The following CAPN8 variants were observed in gnomAD, a reference collection of about 807,000 sequenced individuals.
The protein encoded by CAPN8 is calpain 8, also known as calpain-8.
In CAPN8, 87 loss-of-function variants were observed where a neutral mutation model predicts 80.9. The ratio of observed to expected loss-of-function variants is 1.07; its 90% CI spans 0.90 to 1.28. CAPN8 has a LOEUF of 1.28. Among genes scored for constraint, CAPN8 ranks in the 50% most tolerant of loss-of-function variants. The probability of loss-of-function intolerance (pLI) is 0.00; values close to 1 mark genes in which losing one functional copy is unlikely to be tolerated. For missense variants in CAPN8, 757 were observed against 702.0 expected (o/e 1.08, Z -0.89); for synonymous variants, 299 against 273.8 (o/e 1.09, Z -0.91).
chr1:223,637,509 T>A (rs1391571630), intron 2 of CAPN8, among the ~76,000 whole-genome samples: 1 of 152,142 alleles, frequency 6.6e-6, no homozygotes, highest in Non-Finnish European at 1.5e-5. Context: ...GGGGAGTGAA[T>A]GAGTCAGCCA....
chr1:223,610,441 G>A (rs1465035622), intron 11 of CAPN8, among the ~76,000 whole-genome samples: 1 of 152,206 alleles, frequency 6.6e-6, no homozygotes, highest in East Asian at 1.9e-4. Flanking sequence ...GAGAATGCTG[G>A]TGGTGTGGCC....
Position 223,633,919 on chromosome 1 carries a change from G to T in CAPN8, c.308-5139C>A, listed in dbSNP as rs538173619. Among the ~76,000 whole-genome samples the T allele has an allele frequency of 2.0e-5, 3 of 152,276 alleles. No homozygotes were observed. The East Asian group carries it at 5.8e-4, about 29-fold the overall frequency. On this transcript the variant is annotated intron_variant, in intron 2 of 20. Transcript: ENST00000366872. ...AAAGAAAGAGGAAGGAAAGAAGAAAGGTCAGACATCAGAAACCCTACAGTA... is the reference window on the plus strand; with the variant it reads ...AAAGAAAGAGGAAGGAAAGAAGAAATGTCAGACATCAGAAACCCTACAGTA...
intron 11 of CAPN8, among the ~76,000 whole-genome samples, chr1:223,610,515 T>C (rs1368541014): frequency 6.6e-6 from 1 of 152,112 alleles, no homozygotes; most frequent in Non-Finnish European, 1.5e-5. Context: ...TACCTGATGG[T>C]AGCAAAGGGA....
chr1:223,646,026 A>C (rs1658181527), intron 2 of CAPN8, among the ~76,000 whole-genome samples: 1 of 152,168 alleles, frequency 6.6e-6, no homozygotes, highest in South Asian at 2.1e-4. Flanking sequence ...CACTGTGGGG[A>C]AAATAGACTG....
At chr1:223,552,578 A>AG (rs1656821265) in intron 14 of CAPN8, among the ~76,000 whole-genome samples, 1 of 151,512 alleles carries the variant, frequency 6.6e-6, no homozygotes, top group African/African-American at 2.4e-5. Flanking sequence ...AAAAAAAAAA[A>AG]AAAGACTTGA....
chr1:223,541,982 G>A (rs1396765125), intron 20 of CAPN8, 123 bp from the exon 21 acceptor site: 6 of 1,461,862 alleles, frequency 4.1e-6, no homozygotes, highest in Non-Finnish European at 5.6e-6. Flanking sequence ...TAAGTGCCTT[G>A]CTCAAACATG....
intron 1 of CAPN8, among the ~76,000 whole-genome samples, chr1:223,656,402 G>A (rs1456393630): frequency 1.3e-5 from 2 of 152,058 alleles, no homozygotes; most frequent in Non-Finnish European, 2.9e-5. Flanking sequence ...GGAGGTTGCA[G>A]TAAGCCAAGA....
chr1:223,663,749 G>A (rs1191301538), intron 1 of CAPN8, among the ~76,000 whole-genome samples: 1 of 152,228 alleles, frequency 6.6e-6, no homozygotes, highest in African/African-American at 2.4e-5. Context: ...GAACCACGGT[G>A]GGCGGGAGGG....
chr1:223,611,137 G>T (rs1242614894), intron 11 of CAPN8, among the ~76,000 whole-genome samples: 1 of 152,120 alleles, frequency 6.6e-6, no homozygotes, highest in African/African-American at 2.4e-5. Context: ...ATATAAATGG[G>T]GCATTTCTGA....
chr1:223,547,175 G>T (rs954811962), intron 16 of CAPN8, among the ~76,000 whole-genome samples: 2 of 152,142 alleles, frequency 1.3e-5, no homozygotes, highest in Non-Finnish European at 1.5e-5. Flanking sequence ...GCCACCCAAA[G>T]TGCTGGGATG....
At chr1:223,547,393 A>G (rs1656653007) in intron 16 of CAPN8, among the ~76,000 whole-genome samples, 1 of 152,218 alleles carries the variant, frequency 6.6e-6, no homozygotes, top group African/African-American at 2.4e-5. Context: ...ATTATATGAA[A>G]TGTCCACAAT....
chr1:223,643,658 C>T (rs1175628764), intron 2 of CAPN8, among the ~76,000 whole-genome samples: 1 of 152,232 alleles, frequency 6.6e-6, no homozygotes, highest in African/African-American at 2.4e-5. Context: ...AATCAGAAGC[C>T]ACTGAGTGCA....
chr1:223,662,935 T>TGTA (rs1365929249), intron 1 of CAPN8, among the ~76,000 whole-genome samples: 1 of 152,212 alleles, frequency 6.6e-6, no homozygotes, highest in Non-Finnish European at 1.5e-5. Context: ...CCTTCTCTAA[T>TGTA]GTACCCTTGT....
intron 2 of CAPN8, among the ~76,000 whole-genome samples, chr1:223,650,024 T>G (rs999906927): frequency 6.6e-6 from 1 of 151,902 alleles, no homozygotes; most frequent in African/African-American, 2.4e-5. Context: ...AAAACTGAGG[T>G]GGAGAGGCCA....
intron 1 of CAPN8, among the ~76,000 whole-genome samples, chr1:223,661,755 G>C (rs1413699068): frequency 3.9e-5 from 6 of 152,190 alleles, no homozygotes; most frequent in African/African-American, 1.4e-4. Flanking sequence ...ACAGCACTGT[G>C]GTTCCTCAAA....
At chr1:223,615,879 C>A in intron 10 of CAPN8, 91 bp downstream of exon 10, 1 of 1,464,582 alleles carries the variant, frequency 6.8e-7, no homozygotes, top group Non-Finnish European at 9.3e-7. Context: ...AATACTCCAG[C>A]AATAGGAAAG....
At chr1:223,641,775 C>T (rs1463838444) in intron 2 of CAPN8, among the ~76,000 whole-genome samples, 4 of 152,334 alleles carry the variant, frequency 2.6e-5, no homozygotes, top group African/African-American at 4.8e-5. Context: ...CCCTCTTCCC[C>T]GCCTTCTTTC....
rs144595785 is a variant in CAPN8 at position 223,638,454 on chromosome 1, A to G, written c.308-9674T>C. On this transcript the variant is annotated intron_variant, in intron 2 of 20. Transcript: ENST00000366872. ...AGATACACATGACTGTATATGTAAC[A>G]GCAGGTATGATATTTTTAGAGTGCC... 3.2e-3 allele frequency among the ~76,000 whole-genome samples: 490 copies of G among 152,298 alleles called. 10 individuals carry two copies. The East Asian group carries it at 0.04, about 12-fold the overall frequency.
intron 1 of CAPN8, 42 bp from the exon 2 acceptor site, chr1:223,654,441 A>C: frequency 1.3e-6 from 2 of 1,521,342 alleles, no homozygotes; most frequent in Non-Finnish European, 1.8e-6. Flanking sequence ...CAAGGTGCTC[A>C]GTGATGGCAG....
Sources: gnomAD v4.1 joint callset for allele counts (sites outside exome capture counted in the v4.1 genomes callset) on GRCh38, gnomAD v4.1.1 for gene constraint, MANE v1.5 for transcripts, NCBI Gene and HGNC (gene_info 2026-07-23, HGNC 2026-07-21) for gene names.